Variants in CCDC141 observed in about 807,000 individuals in gnomAD.
CCDC141 encodes the protein coiled-coil domain-containing protein 141.
Under a neutral mutation model 181.0 loss-of-function variants are expected in CCDC141, and 168 were observed. That is an observed-to-expected ratio of 0.93 (90% CI 0.82 to 1.05). The LOEUF is 1.05. Among genes scored for constraint, CCDC141 ranks in the 50% least tolerant of loss-of-function variants. The pLI is 0.00. For synonymous variants in CCDC141, 666 were observed against 642.3 expected (o/e 1.04, Z -0.56); for missense variants, 1,902 against 1,788.5 (o/e 1.06, Z -1.14).
chr2:179,021,677 CT>C (rs2042695556), intron 2 of CCDC141, among the ~76,000 whole-genome samples: 1 of 152,116 alleles, frequency 6.6e-6, no homozygotes, highest in African/African-American at 2.4e-5. Context: ...TGAAAAGCAA[CT>C]TGGAAAATTC....
chr2:178,817,961 C>T, the CCDC141 span, among the ~76,000 whole-genome samples: 1 of 152,122 alleles, frequency 6.6e-6, no homozygotes, highest in South Asian at 2.1e-4. Flanking sequence ...CGCCACCATG[C>T]CTGCCTAATT....
intron 23 of CCDC141, among the ~76,000 whole-genome samples, chr2:178,835,053 C>T (rs1014258945): frequency 3.3e-5 from 5 of 152,134 alleles, no homozygotes; most frequent in African/African-American, 1.2e-4. Context: ...CACTAGGCCA[C>T]CATTTGCTCA....
chr2:178,909,155 T>C (rs1416208349), intron 7 of CCDC141, among the ~76,000 whole-genome samples: 1 of 152,192 alleles, frequency 6.6e-6, no homozygotes, highest in African/African-American at 2.4e-5. Flanking sequence ...CTGAATGTTA[T>C]AATAAAAGTA....
At chr2:178,889,739 A>G (rs1687058203) in intron 8 of CCDC141, among the ~76,000 whole-genome samples, 1 of 152,178 alleles carries the variant, frequency 6.6e-6, no homozygotes, top group African/African-American at 2.4e-5. Flanking sequence ...CAGAAGTCCC[A>G]GGTAAGTTTA....
At chr2:178,914,649 T>C (rs532163106) in intron 7 of CCDC141, among the ~76,000 whole-genome samples, 10 of 152,358 alleles carry the variant, frequency 6.6e-5, no homozygotes, top group African/African-American at 2.4e-4. Flanking sequence ...GTGATAATTA[T>C]ATTTTACTGA....
intron 2 of CCDC141, among the ~76,000 whole-genome samples, chr2:179,041,281 G>A (rs1328318312): frequency 3.3e-5 from 5 of 151,900 alleles, no homozygotes; most frequent in South Asian, 4.2e-4. Context: ...TAATAGAGAC[G>A]GGGTTTCACC....
chr2:179,036,056 C>T (rs1191792902), intron 2 of CCDC141, among the ~76,000 whole-genome samples: 1 of 152,180 alleles, frequency 6.6e-6, no homozygotes, highest in Non-Finnish European at 1.5e-5. Flanking sequence ...TTTGGTGTTC[C>T]AGCAACAAAG....
intron 2 of CCDC141, among the ~76,000 whole-genome samples, chr2:178,995,513 T>C (rs543540621): frequency 6.6e-6 from 1 of 152,208 alleles, no homozygotes; most frequent in Non-Finnish European, 1.5e-5. Flanking sequence ...AGCTGACATA[T>C]ACATTTACAC....
chr2:178,966,063 C>T (rs940682839), intron 4 of CCDC141, among the ~76,000 whole-genome samples: 6 of 152,192 alleles, frequency 3.9e-5, no homozygotes, highest in African/African-American at 1.4e-4. Flanking sequence ...GGCCAGACTG[C>T]CATATTTCTC....
intron 2 of CCDC141, among the ~76,000 whole-genome samples, chr2:179,021,180 C>G (rs2042682021): frequency 6.6e-6 from 1 of 152,072 alleles, no homozygotes; most frequent in Non-Finnish European, 1.5e-5. Context: ...TAGGTTGTAC[C>G]TTCCGTTGTA....
At chr2:178,908,309 C>A (rs1688070166) in intron 7 of CCDC141, among the ~76,000 whole-genome samples, 1 of 152,126 alleles carries the variant, frequency 6.6e-6, no homozygotes, top group Admixed American at 6.5e-5. Flanking sequence ...ATTCTCGTGC[C>A]TCAGCCTCCC....
At chr2:179,005,571 G>A (rs1575333863) in intron 2 of CCDC141, among the ~76,000 whole-genome samples, 2 of 152,084 alleles carry the variant, frequency 1.3e-5, no homozygotes, top group East Asian at 3.8e-4. Context: ...ACAAGACTGT[G>A]TGGGACCTAT....
At chr2:178,850,439 C>T (rs1234267743) in intron 20 of CCDC141, among the ~76,000 whole-genome samples, 1 of 152,190 alleles carries the variant, frequency 6.6e-6, no homozygotes, top group Non-Finnish European at 1.5e-5. Flanking sequence ...TTAGTTTTTC[C>T]TGTTCAAAAC....
chr2:178,974,163 G>C (rs1329255088), intron 4 of CCDC141, among the ~76,000 whole-genome samples: 2 of 152,128 alleles, frequency 1.3e-5, no homozygotes, highest in African/African-American at 4.8e-5. Flanking sequence ...ATTGTCTAGA[G>C]TCTTTTGAAG....
Position 178,855,405 on chromosome 2 carries a change from A to G in CCDC141, c.3002T>C (p.Val1001Ala). The change falls in exon 19 of 24, where the codon GTG becomes GCG. Residue 1001 changes from valine to alanine, a missense_variant. Val to Ala is a moderately conservative substitution (Grantham distance 64, BLOSUM62 0). Coordinates refer to ENST00000443758, the MANE Select transcript of CCDC141 (RefSeq NM_173648.4). ...GTCCAAATTCTTCTTGTAATCTGTCACAACTTTGTCAAAGTCATCCACATG... is the reference window on the plus strand; with the variant it reads ...GTCCAAATTCTTCTTGTAATCTGTCGCAACTTTGTCAAAGTCATCCACATG... The part of the protein sequence containing the change: ...QKHVDDFDKV[V>A]TDYKKNLDLT... 6.2e-7 allele frequency: 1 copy of G among 1,612,310 alleles called. No homozygotes were observed. Among genetic ancestry groups the G allele is most frequent in the South Asian group, 1.1e-5 (1 of 90,620 alleles).
At position 178,845,626 on chromosome 2, in the gene CCDC141, CTTATTCCTTTCTTCATTGAATA is replaced by C. The variant is rs1561629298; in HGVS notation, c.3452_3473del (p.Ile1151ArgfsTer24). 3 of 1,549,924 alleles carry C rather than the reference CTTATTCCTTTCTTCATTGAATA, an allele frequency of 1.9e-6. No homozygotes were observed. The highest frequency in any genetic ancestry group is 2.7e-6 in the Non-Finnish European group (3 of 1,122,082). ...GCTGAGGTTAAGTAGTTTTCTTTAC[CTTATTCCTTTCTTCATTGAATA>C]TTGTCTGCTTATTTTTTGCTGGTTC... On this transcript the variant is annotated frameshift_variant and splice_region_variant, in exon 22 of 24. Transcript: ENST00000443758. LOFTEE classifies it high-confidence loss of function.
intron 16 of CCDC141, among the ~76,000 whole-genome samples, chr2:178,866,944 T>C (rs773165128): frequency 2.6e-5 from 4 of 152,226 alleles, no homozygotes; most frequent in Admixed American, 6.5e-5. Flanking sequence ...CAGGCTGGAC[T>C]TGAACTTCTC....
rs570663103 is a variant in CCDC141 at position 178,945,400 on chromosome 2, G to A, written c.781-749C>T. On this transcript the variant is annotated intron_variant, in intron 5 of 23. Transcript: ENST00000443758. ...ACTACTACAAGCTAGTTGCTTTTTG[G>A]GCATCATCTCTATTTCTCTCAACAA... Among the ~76,000 whole-genome samples, 64 of 151,968 alleles carry A rather than the reference G, an allele frequency of 4.2e-4. 2 individuals are homozygous for A. In the South Asian group the frequency reaches 0.013, roughly 32 times the overall value.
intron 22 of CCDC141, among the ~76,000 whole-genome samples, chr2:178,845,407 G>A (rs1390375961): frequency 1.3e-5 from 2 of 152,168 alleles, no homozygotes; most frequent in Non-Finnish European, 2.9e-5. Context: ...TCCAGTACTC[G>A]ATAGTGAGAA....
Sources: allele counts gnomAD v4.1 joint callset (sites outside exome capture counted in the v4.1 genomes callset), GRCh38; gene constraint gnomAD v4.1.1; transcripts MANE v1.5; gene names NCBI Gene and HGNC (gene_info 2026-07-23, HGNC 2026-07-21).